The following PIEZO1 variants were observed in gnomAD, a reference collection of about 807,000 sequenced individuals.
PIEZO1 encodes piezo type mechanosensitive ion channel component 1 (Er blood group), also known as piezo-type mechanosensitive ion channel component 1.
Under a neutral mutation model 297.2 loss-of-function variants are expected in PIEZO1, and 296 were observed. That is an observed-to-expected ratio of 1.00 (90% CI 0.91 to 1.10). The LOEUF is 1.10. PIEZO1 is among the 50% of genes least tolerant of loss of function. PIEZO1 has a pLI of 0.00. For missense variants in PIEZO1, 5,018 were observed against 3,455.5 expected (o/e 1.45, Z -11.34); for synonymous variants, 2,427 against 1,507.5 (o/e 1.61, Z -14.13).
intron 2 of PIEZO1, chr16:88,743,713 G>T (rs1169785319): frequency 8.9e-6 from 4 of 448,014 alleles, no homozygotes; most frequent in Non-Finnish European, 1.8e-5. Context: ...CCCTAAGCCT[G>T]ACCGTGAAGC....
chr16:88,781,787 C>T lies in PIEZO1; in HGVS notation c.64+3114G>A, dbSNP rs558822064. 1.1e-4 allele frequency among the ~76,000 whole-genome samples: 16 copies of T among 152,352 alleles called. No individual in the cohort carries two copies. The East Asian group carries it at 1.2e-3, about 11-fold the overall frequency. ...GCCTGCTGTTCCCCAGCTTCTCGGC[C>T]GCCTCCCAGGAGTGGTGAGACCCTG... On this transcript the variant is annotated intron_variant, in intron 1 of 50. Coordinates refer to ENST00000301015, the MANE Select transcript of PIEZO1 (RefSeq NM_001142864.4).
chr16:88,727,170 G>A lies in PIEZO1; in HGVS notation c.3324C>T (p.Cys1108=), dbSNP rs746126066. 4.6e-5 allele frequency: 71 copies of A among 1,544,174 alleles called. No homozygotes were observed. In the African/African-American group the frequency reaches 5.3e-4, roughly 12 times the overall value. Residue 1108 remains cysteine, a synonymous_variant, in exon 24 of 51, where the codon TGC becomes TGT. Coordinates refer to ENST00000301015, the MANE Select transcript of PIEZO1 (RefSeq NM_001142864.4). ...AGAACACCTGCCACTGCTGGGAGGC[G>A]CACAGCAGCAGGAGAAAGTCGCCTG... The part of the protein sequence containing the change: ...NLISDFLLLL[C]ASQQWQVFSA...
At chr16:88,778,121 C>T (rs1384694644) in intron 1 of PIEZO1, among the ~76,000 whole-genome samples, 5 of 152,160 alleles carry the variant, frequency 3.3e-5, no homozygotes, top group Non-Finnish European at 7.4e-5. Context: ...CACACCCCAG[C>T]ACTGCGGGGG....
At chr16:88,758,114 T>C (rs1432378922) in intron 1 of PIEZO1, among the ~76,000 whole-genome samples, 1 of 152,142 alleles carries the variant, frequency 6.6e-6, no homozygotes, top group African/African-American at 2.4e-5. Context: ...TCCTCAGCCC[T>C]GTGGTCCCAC....
rs761846455 is a variant in PIEZO1 at position 88,732,472 on chromosome 16, A to G, written c.2854T>C (p.Tyr952His). Reference protein sequence around the residue: ...EAIVYRRQEHYRRQHQLAPLP... With the variant: ...EAIVYRRQEHHRRQHQLAPLP... ...GGGGCCAGCTGGTGCTGCCGGCGGTAGTGCTCCTGGCGCCGGTACACGATG... is the reference window on the plus strand; with the variant it reads ...GGGGCCAGCTGGTGCTGCCGGCGGTGGTGCTCCTGGCGCCGGTACACGATG... The change falls in exon 21 of 51, where the codon TAC becomes CAC. Residue 952 changes from tyrosine (Y) to histidine (H), a missense_variant. By Grantham distance (83) the Tyr-to-His change is moderately conservative (BLOSUM62 2). Coordinates refer to ENST00000301015, the MANE Select transcript of PIEZO1 (RefSeq NM_001142864.4). 1.3e-6 allele frequency: 2 copies of G among 1,549,332 alleles called. No individual in the cohort carries two copies. Among genetic ancestry groups the G allele is most frequent in the African/African-American group, 1.4e-5 (1 of 73,134 alleles).
chr16:88,719,876 G>C lies in PIEZO1; in HGVS notation c.6249C>G (p.Cys2083Trp), dbSNP rs372557703. The C allele has an allele frequency of 1.3e-6, 2 of 1,550,590 alleles. No individual in the cohort carries two copies. Among genetic ancestry groups the C allele is most frequent in the East Asian group, 4.9e-5 (2 of 40,918 alleles). The stretch of plus-strand genomic sequence containing the variant: ...TGCCGAGGATGCGGGTGGGGTAGCC[G>C]CAGCGGATCTGGTAGGCGGACAGGG... ...YFALSAYQIRCGYPTRILGNF... is the reference protein window; with the variant it reads ...YFALSAYQIRWGYPTRILGNF... The change falls in exon 43 of 51, where the codon TGC becomes TGG. Residue 2083 changes from cysteine (C) to tryptophan (W), a missense_variant. Cys to Trp is a radical substitution (Grantham distance 215). Transcript: ENST00000301015.
Position 88,736,651 on chromosome 16 carries a change from G to A in PIEZO1, c.1284C>T (p.Leu428=). The change falls in exon 11 of 51, where the codon CTC becomes CTT. Residue 428 remains leucine, a synonymous_variant. Coordinates refer to ENST00000301015, the MANE Select transcript of PIEZO1 (RefSeq NM_001142864.4). ...LIMDQSYVCA[L]IAMMVWSITY... ...CACAGCCGCCTACCATCATGGCAAT[G>A]AGCGCGCACACATAGCTCTGGTCCA... The A allele has an allele frequency of 6.5e-7, 1 of 1,530,882 alleles. No homozygotes were observed. Among genetic ancestry groups the A allele is most frequent in the Non-Finnish European group, 8.7e-7 (1 of 1,144,642 alleles). The allele number at this position is 1,530,882 out of a possible 1,614,324, so 94.8% of individuals were successfully genotyped here. A position where few individuals can be genotyped will look rare whatever the true frequency, so the allele number is the denominator to read the frequency against.
At chr16:88,732,085 C>T (rs942987911) in intron 21 of PIEZO1, among the ~76,000 whole-genome samples, 175 bp from the exon 22 acceptor site, 16 of 151,846 alleles carry the variant, frequency 1.1e-4, no homozygotes, top group Non-Finnish European at 5.9e-5. Context: ...CAGTTGCCAT[C>T]GTGCAGGGGA....
chr16:88,732,823 G>T, intron 19 of PIEZO1, 91 bp from the exon 20 acceptor site: 2 of 1,295,240 alleles, frequency 1.5e-6, no homozygotes, highest in Non-Finnish European at 2.1e-6. Flanking sequence ...CTCTGGGGCA[G>T]GTCCACTGCT....
rs750200494 is a variant in PIEZO1, at chr16:88,722,234, C to T, written c.4939G>A (p.Glu1647Lys). ...CGCCCCCACCTGTCCAGGAGCAGCT[C>T]GCTGGCCGTCCGCATCAGTCCCTGG... ...LYQGLMRTAS[E>K]LLLDRRLRIP... Residue 1647 changes from glutamate to lysine, a missense_variant, in exon 36 of 51, where the codon GAG becomes AAG. Glu to Lys is a moderately conservative substitution (Grantham distance 56). Transcript: ENST00000301015. 4.5e-6 allele frequency: 7 copies of T among 1,547,030 alleles called. No homozygotes were observed. The highest frequency in any genetic ancestry group is 3.9e-5 in the Admixed American group (2 of 50,934).
intron 30 of PIEZO1, among the ~76,000 whole-genome samples, chr16:88,724,619 G>T (rs905641090): frequency 6.6e-6 from 1 of 151,904 alleles, no homozygotes; most frequent in African/African-American, 2.4e-5. Context: ...ACTTGAACCC[G>T]GGAGGTAGAG....
At chr16:88,778,531 G>C (rs1015422511) in intron 1 of PIEZO1, among the ~76,000 whole-genome samples, 7 of 152,188 alleles carry the variant, frequency 4.6e-5, no homozygotes, top group African/African-American at 1.4e-4. Flanking sequence ...AGGTTCCTGA[G>C]ACAACGGCGG....
chr16:88,748,696 C>T (rs1906200990), intron 2 of PIEZO1, among the ~76,000 whole-genome samples: 2 of 152,150 alleles, frequency 1.3e-5, no homozygotes, highest in African/African-American at 4.8e-5. Flanking sequence ...ACCCCCATGA[C>T]CCTCCTCGCC....
intron 12 of PIEZO1, 58 bp downstream of exon 12, chr16:88,736,090 G>A (rs755670405): frequency 2.0e-5 from 29 of 1,475,930 alleles, no homozygotes; most frequent in African/African-American, 1.1e-4. Context: ...TGAACAGGAC[G>A]ACAACCCTGA....
At chr16:88,756,398 G>A (rs1906656916) in intron 1 of PIEZO1, among the ~76,000 whole-genome samples, 1 of 152,184 alleles carries the variant, frequency 6.6e-6, no homozygotes, top group Non-Finnish European at 1.5e-5. Flanking sequence ...GTGGGCTAAT[G>A]GACCGGAAGG....
Position 88,715,467 on chromosome 16 carries a change from T to C in PIEZO1, c.*138A>G, listed in dbSNP as rs1911922028. The C allele has an allele frequency of 2.0e-6, 2 of 1,020,424 alleles. No individual in the cohort carries two copies. Among genetic ancestry groups the C allele is most frequent in the Non-Finnish European group, 2.8e-6 (2 of 704,454 alleles). 63.2% of individuals were successfully genotyped at this position (1,020,424 alleles called of 1,614,324 possible). ...CCTTCTCTGACAGCAGCATCAGGGC[T>C]CAGGCAGGCCGGGAGGATGCATCAC... On this transcript the variant is annotated 3_prime_UTR_variant, in exon 51 of 51. Coordinates refer to ENST00000301015, the MANE Select transcript of PIEZO1 (RefSeq NM_001142864.4).
chr16:88,722,241 C>G lies in PIEZO1; in HGVS notation c.4932G>C (p.Thr1644=). The change falls in exon 36 of 51, where the codon ACG becomes ACC. Residue 1644 remains threonine (T), a synonymous_variant. Coordinates refer to ENST00000301015, the MANE Select transcript of PIEZO1 (RefSeq NM_001142864.4). ...GASLYQGLMR[T]ASELLLDRRL... The stretch of plus-strand genomic sequence containing the variant: ...ACCTGTCCAGGAGCAGCTCGCTGGC[C>G]GTCCGCATCAGTCCCTGGTACAGAG... 1 of 1,547,550 alleles carries G rather than the reference C, an allele frequency of 6.5e-7. No homozygotes were observed. The highest frequency in any genetic ancestry group is 1.2e-5 in the South Asian group (1 of 84,026).
Position 88,716,070 on chromosome 16 carries a change from C to G in PIEZO1, c.7179G>C (p.Gln2393His), listed in dbSNP as rs1396373059. The G allele has an allele frequency of 3.2e-6, 5 of 1,550,016 alleles. No homozygotes were observed. Among genetic ancestry groups the G allele is most frequent in the East Asian group, 2.4e-5 (1 of 40,910 alleles). The change falls in exon 50 of 51, where the codon CAG becomes CAC. Residue 2393 changes from glutamine (Q) to histidine (H), a missense_variant. Gln to His is a conservative substitution (Grantham distance 24). Coordinates refer to ENST00000301015, the MANE Select transcript of PIEZO1 (RefSeq NM_001142864.4). ...CGAGGAAGCCGGTGGCCCCCGCACC[C>G]TGCTCCCTCCGCAGCTGGATACGCA... is the stretch of plus-strand genomic sequence containing the variant. ...LGVRIQLRRE[Q>H]GAGATGFLEW...
intron 22 of PIEZO1, among the ~76,000 whole-genome samples, chr16:88,728,196 GTGCTGGGGATGGGAGCGGCCGGGGCC>G (rs2142791737): frequency 6.6e-6 from 1 of 152,362 alleles, no homozygotes; most frequent in South Asian, 2.1e-4. Context: ...ATAGGACCAC[GTGCTGGGGATGGGAGCGGCCGGGGCC>G]TGCTGGGGAG....
Sources: allele counts gnomAD v4.1 joint callset (sites outside exome capture counted in the v4.1 genomes callset), GRCh38; gene constraint gnomAD v4.1.1; transcripts MANE v1.5; gene names NCBI Gene and HGNC (gene_info 2026-07-23, HGNC 2026-07-21).